Variants in FAM193A observed in about 807,000 individuals in gnomAD.
FAM193A encodes the protein family with sequence similarity 193 member A, also known as protein FAM193A.
A neutral mutation model predicts 126.5 loss-of-function variants in FAM193A; 22 were observed. The observed-to-expected ratio is 0.17, with a 90% CI of 0.12 to 0.25. FAM193A has a LOEUF of 0.25. Among genes scored for constraint, FAM193A ranks in the 10% least tolerant of loss-of-function variants. The pLI is 1.00. For synonymous variants in FAM193A, 761 were observed against 646.8 expected, an observed-to-expected ratio of 1.18 and a Z score of -2.68; for missense variants, 1,675 against 1,672.8, an observed-to-expected ratio of 1.00 and a Z score of -0.02.
Position 2,659,935 on chromosome 4 carries a change from T to C in FAM193A, c.1626T>C (p.Leu542=). The change falls in exon 10 of 21, where the codon CTT becomes CTC. Residue 542 remains leucine, a synonymous_variant. Coordinates refer to ENST00000637812, the MANE Select transcript of FAM193A (RefSeq NM_001366318.2). The part of the protein sequence containing the change: ...PLQVDPAPDY[L]AERSPPSVSS... Reference sequence around the variant, plus strand: ...AAGTGGATCCTGCTCCTGACTATCTTGCTGAGAGGAGCCCGCCCAGTGTGT... The same window carrying C: ...AAGTGGATCCTGCTCCTGACTATCTCGCTGAGAGGAGCCCGCCCAGTGTGT... The C allele has an allele frequency of 6.2e-7, 1 of 1,614,140 alleles. No individual in the cohort carries two copies. The highest frequency in any genetic ancestry group is 8.5e-7 in the Non-Finnish European group (1 of 1,180,020).
chr4:2,572,913 A>G (rs1182714606), intron 1 of FAM193A, among the ~76,000 whole-genome samples: 1 of 151,484 alleles, frequency 6.6e-6, no homozygotes. Flanking sequence ...AGAGAGAGAG[A>G]TGGGTTGAAC....
chr4:2,707,326 G>A (rs1371227594), intron 19 of FAM193A, among the ~76,000 whole-genome samples: 5 of 152,088 alleles, frequency 3.3e-5, no homozygotes, highest in Non-Finnish European at 7.4e-5. Context: ...CTTACTGAGT[G>A]TATTTCTCAG....
Position 2,625,404 on chromosome 4 carries a change from C to CGTGT in FAM193A, c.635+13_635+16dup, listed in dbSNP as rs1194122751. 86 of 698,530 alleles carry CGTGT rather than the reference C, an allele frequency of 1.2e-4. No individual in the cohort carries two copies. Among genetic ancestry groups the CGTGT allele is most frequent in the African/African-American group, 1.2e-3 (67 of 57,312 alleles). The allele number at this position is 698,530 out of a possible 1,614,324, so 43.3% of individuals were successfully genotyped here. ...GCCTGCAGTGAGCGCAGGTATGTGA[C>CGTGT]GTGTGTGCCACGTTGCTCACACCTG... On this transcript the variant is annotated intron_variant, in intron 3 of 20. Coordinates refer to ENST00000637812, the MANE Select transcript of FAM193A (RefSeq NM_001366318.2).
intron 1 of FAM193A, among the ~76,000 whole-genome samples, chr4:2,539,738 T>A (rs760836279): frequency 2.6e-5 from 4 of 152,122 alleles, no homozygotes; most frequent in Admixed American, 2.0e-4. Context: ...CCCACTCTTA[T>A]GACCCACTCC....
intron 18 of FAM193A, among the ~76,000 whole-genome samples, chr4:2,699,435 C>CA (rs1717415269): frequency 1.5e-5 from 1 of 68,358 alleles, no homozygotes. Flanking sequence ...TGTTAACTAC[C>CA]ACCCCCCCCC....
chr4:2,727,889 T>G (rs1200853929), intron 20 of FAM193A, among the ~76,000 whole-genome samples: 1 of 151,906 alleles, frequency 6.6e-6, no homozygotes, highest in African/African-American at 2.4e-5. Flanking sequence ...TCACAGTTCA[T>G]TGCTGGGACT....
Position 2,696,493 on chromosome 4 carries a change from A to G in FAM193A, c.3407A>G (p.His1136Arg). 1.9e-6 allele frequency: 3 copies of G among 1,614,230 alleles called. No individual in the cohort carries two copies. The highest frequency in any genetic ancestry group is 1.3e-5 in the African/African-American group (1 of 75,074). ...TCAGAAAGGGAAAGCGTCGTTGACCATCGGAGGGTGGAGGATTTGTTGCAG... is the reference window on the plus strand; with the variant it reads ...TCAGAAAGGGAAAGCGTCGTTGACCGTCGGAGGGTGGAGGATTTGTTGCAG... ...QISERESVVD[H>R]RRVEDLLQFI... The change falls in exon 18 of 21, where the codon CAT (histidine) becomes CGT (arginine). Residue 1136 changes from histidine to arginine, a missense_variant. His to Arg is a conservative substitution (Grantham distance 29). This residue lies in a region of FAM193A where 54 missense variants were observed against 114.8 expected (regional missense o/e 0.47). Coordinates refer to ENST00000637812, the MANE Select transcript of FAM193A (RefSeq NM_001366318.2).
At chr4:2,644,921 T>TA (rs1321312142) in intron 6 of FAM193A, among the ~76,000 whole-genome samples, 1 of 152,248 alleles carries the variant, frequency 6.6e-6, no homozygotes, top group Non-Finnish European at 1.5e-5. Flanking sequence ...TAGTATTTCT[T>TA]ATACATTTTT....
chr4:2,607,983 C>T (rs996178746), intron 2 of FAM193A: 4 of 1,568,966 alleles, frequency 2.5e-6, no homozygotes, highest in Admixed American at 2.0e-5. Context: ...ACCAGGGCAG[C>T]CACTCACCAC....
chr4:2,617,507 A>G (rs2108957885), intron 2 of FAM193A, among the ~76,000 whole-genome samples: 1 of 151,076 alleles, frequency 6.6e-6, no homozygotes. Context: ...CTCGTGATCC[A>G]CCTGCCTCGC....
chr4:2,688,167 G>A (rs1715960030), intron 13 of FAM193A, among the ~76,000 whole-genome samples: 1 of 152,316 alleles, frequency 6.6e-6, no homozygotes, highest in South Asian at 2.1e-4. Context: ...GACTGGGGGA[G>A]AAGGGCCAGG....
At chr4:2,650,871 G>A (rs966391242) in intron 7 of FAM193A, among the ~76,000 whole-genome samples, 4 of 152,162 alleles carry the variant, frequency 2.6e-5, no homozygotes, top group African/African-American at 9.7e-5. Context: ...AACGGTATTT[G>A]CCTTTGGCCC....
chr4:2,650,777 C>G (rs1745584987), intron 7 of FAM193A, among the ~76,000 whole-genome samples: 1 of 152,166 alleles, frequency 6.6e-6, no homozygotes, highest in Non-Finnish European at 1.5e-5. Flanking sequence ...CCTACCTTTA[C>G]CAAGGACCGC....
intron 4 of FAM193A, among the ~76,000 whole-genome samples, chr4:2,627,594 T>C (rs1473106800): frequency 6.7e-6 from 1 of 148,360 alleles, no homozygotes; most frequent in African/African-American, 2.5e-5. Flanking sequence ...TTTTTTTTTT[T>C]TCAGATGGAG....
chr4:2,713,220 C>A (rs1400761108), intron 19 of FAM193A, among the ~76,000 whole-genome samples: 1 of 151,340 alleles, frequency 6.6e-6, no homozygotes, highest in Non-Finnish European at 1.5e-5. Context: ...TCCTGGCCAA[C>A]ATGGTGAAAA....
chr4:2,637,319 C>T (rs145712909), intron 5 of FAM193A, among the ~76,000 whole-genome samples: 1 of 152,112 alleles, frequency 6.6e-6, no homozygotes, highest in Non-Finnish European at 1.5e-5. Context: ...AGAGTGAGAC[C>T]CTGTCTCAGT....
At chr4:2,575,133 A>G (rs1230666759) in intron 1 of FAM193A, among the ~76,000 whole-genome samples, 1 of 152,192 alleles carries the variant, frequency 6.6e-6, no homozygotes, top group Non-Finnish European at 1.5e-5. Context: ...CAGAGTGCAC[A>G]GCAAGCTTCA....
chr4:2,687,443 G>A (rs1329546299), intron 13 of FAM193A, among the ~76,000 whole-genome samples: 1 of 152,124 alleles, frequency 6.6e-6, no homozygotes, highest in African/African-American at 2.4e-5. Context: ...TTTGCCTGAG[G>A]TCACACAGCT....
intron 1 of FAM193A, among the ~76,000 whole-genome samples, chr4:2,557,226 A>G (rs535267220): frequency 6.6e-6 from 1 of 152,314 alleles, no homozygotes; most frequent in African/African-American, 2.4e-5. Flanking sequence ...AGAATATCTT[A>G]TTATACTGTG....
Sources: gnomAD v4.1 joint callset for allele counts (sites outside exome capture counted in the v4.1 genomes callset) on GRCh38, gnomAD v4.1.1 for gene constraint, gnomAD v4.1.1 regional missense constraint, MANE v1.5 for transcripts, NCBI Gene and HGNC (gene_info 2026-07-23, HGNC 2026-07-21) for gene names.